The following ARHGAP24 variants were observed in gnomAD, a reference collection of about 807,000 sequenced individuals.
The protein encoded by ARHGAP24 is rho GTPase-activating protein 24.
ARHGAP24 carries 50 observed loss-of-function variants against 76.4 expected under a neutral mutation model. The ratio of observed to expected loss-of-function variants is 0.65; its 90% CI spans 0.52 to 0.83. ARHGAP24 has a LOEUF of 0.83. Among genes scored for constraint, ARHGAP24 ranks in the 40% least tolerant of loss-of-function variants. The pLI, the probability that ARHGAP24 is intolerant of heterozygous loss-of-function variation, is 0.00. For missense variants in ARHGAP24, 930 were observed against 914.2 expected (o/e 1.02, Z -0.22); for synonymous variants, 345 against 323.3 (o/e 1.07, Z -0.72).
At chr4:85,697,775 G>A (rs567592211) in intron 2 of ARHGAP24, among the ~76,000 whole-genome samples, 28 of 152,302 alleles carry the variant, frequency 1.8e-4, no homozygotes, top group Non-Finnish European at 3.5e-4. Context: ...AAAAACTCAG[G>A]AAGTGGAAAC....
intron 3 of ARHGAP24, among the ~76,000 whole-genome samples, chr4:85,901,392 A>C (rs6842979): frequency 0.68 from 102,917 of 151,648 alleles, 36,012 homozygotes; most frequent in East Asian, 0.99. Flanking sequence ...CAAACAACAA[A>C]AAAAAAAAAC....
chr4:85,931,076 A>C, intron 4 of ARHGAP24: 1 of 1,562,056 alleles, frequency 6.4e-7, no homozygotes, highest in Non-Finnish European at 8.7e-7. Flanking sequence ...CCTTTTTATA[A>C]ATATAAATAA....
chr4:85,898,331 T>C (rs2148788034), intron 3 of ARHGAP24, among the ~76,000 whole-genome samples: 1 of 152,174 alleles, frequency 6.6e-6, no homozygotes, highest in Non-Finnish European at 1.5e-5. Context: ...TGACTGTTAG[T>C]CAACAGTGGT....
chr4:85,847,781 T>C (rs1730968429), intron 3 of ARHGAP24, among the ~76,000 whole-genome samples: 1 of 152,090 alleles, frequency 6.6e-6, no homozygotes, highest in Non-Finnish European at 1.5e-5. Context: ...GCCCACAGCA[T>C]TAGAGATTAG....
chr4:85,556,203 T>G (rs1726357631), intron 1 of ARHGAP24, among the ~76,000 whole-genome samples: 1 of 152,104 alleles, frequency 6.6e-6, no homozygotes, highest in Admixed American at 6.5e-5. Flanking sequence ...AACTGTGGTG[T>G]GCTAGAAGTA....
intron 1 of ARHGAP24, among the ~76,000 whole-genome samples, chr4:85,547,681 C>T (rs950200980): frequency 6.6e-6 from 1 of 152,136 alleles, no homozygotes; most frequent in Non-Finnish European, 1.5e-5. Context: ...AGCAATCCGC[C>T]CACCTCAGCC....
rs562000880 is a variant in ARHGAP24, at chr4:85,943,659, T to A, written c.599+1386T>A. On this transcript the variant is annotated intron_variant, in intron 5 of 9. Coordinates refer to ENST00000395184, the MANE Select transcript of ARHGAP24 (RefSeq NM_001025616.3). ...GGTGTGTGATGTTCCCCTCCCTGTG[T>A]CCATGTATTCTCATTGTGCAACTCC... 3.9e-5 allele frequency among the ~76,000 whole-genome samples: 6 copies of A among 152,196 alleles called. No homozygotes were observed. In the South Asian group the frequency reaches 1.2e-3, roughly 32 times the overall value.
intron 2 of ARHGAP24, among the ~76,000 whole-genome samples, chr4:85,662,064 T>C (rs1295177035): frequency 6.6e-6 from 1 of 152,254 alleles, no homozygotes. Context: ...GTGGTATTTC[T>C]ACTTCTAGAT....
chr4:85,953,194 C>G (rs1737716694), intron 5 of ARHGAP24, among the ~76,000 whole-genome samples: 1 of 152,108 alleles, frequency 6.6e-6, no homozygotes, highest in Non-Finnish European at 1.5e-5. Context: ...ACATTCTGTC[C>G]AAGAATCCTG....
At position 85,530,073 on chromosome 4, in the gene ARHGAP24, A is replaced by G. The variant is rs1260332810; in HGVS notation, c.-20-40449A>G. Among the ~76,000 whole-genome samples, 8 of 152,082 alleles carry G rather than the reference A, an allele frequency of 5.3e-5. No homozygotes were observed. The East Asian group carries it at 1.4e-3, about 26-fold the overall frequency. On this transcript the variant is annotated intron_variant, in intron 1 of 9. Coordinates refer to ENST00000395184, the MANE Select transcript of ARHGAP24 (RefSeq NM_001025616.3). ...TACATATATCTATGGTGAAAGTATT[A>G]CTTTTCAGTTCTATTACAAAACAGA...
chr4:85,807,250 C>A (rs1227172726), intron 3 of ARHGAP24, among the ~76,000 whole-genome samples: 5 of 152,078 alleles, frequency 3.3e-5, no homozygotes, highest in Non-Finnish European at 4.4e-5. Flanking sequence ...CTAATGCCAT[C>A]CCTCCCCTAA....
chr4:85,801,285 C>A (rs1313534546), intron 3 of ARHGAP24, among the ~76,000 whole-genome samples: 1 of 152,032 alleles, frequency 6.6e-6, no homozygotes, highest in Non-Finnish European at 1.5e-5. Context: ...ACAAATAGTG[C>A]TTTATGTTGT....
chr4:85,791,132 A>G (rs959619491), intron 3 of ARHGAP24, among the ~76,000 whole-genome samples: 2 of 152,180 alleles, frequency 1.3e-5, no homozygotes, highest in African/African-American at 4.8e-5. Flanking sequence ...ATAAAGAATC[A>G]CAGAAAGGGA....
chr4:85,670,111 A>G (rs1259760311), intron 2 of ARHGAP24, among the ~76,000 whole-genome samples: 3 of 152,114 alleles, frequency 2.0e-5, no homozygotes, highest in Non-Finnish European at 4.4e-5. Context: ...AATAATATTT[A>G]ACTCAGCCAT....
intron 2 of ARHGAP24, among the ~76,000 whole-genome samples, chr4:85,647,804 A>G (rs901639157): frequency 6.6e-6 from 1 of 152,024 alleles, no homozygotes; most frequent in African/African-American, 2.4e-5. Flanking sequence ...AAAAATTGGA[A>G]CCGTCTCCCT....
intron 5 of ARHGAP24, 60 bp from the exon 6 acceptor site, chr4:85,971,976 A>G (rs1200433389): frequency 8.7e-6 from 14 of 1,612,978 alleles, no homozygotes; most frequent in Non-Finnish European, 1.2e-5. Context: ...CTTGAAAAAC[A>G]ATAAATAGAA....
Position 86,000,907 on chromosome 4 carries a change from A to G in ARHGAP24, c.*185A>G. 2 of 838,916 alleles carry G rather than the reference A, an allele frequency of 2.4e-6. No homozygotes were observed. The highest frequency in any genetic ancestry group is 3.5e-5 in the South Asian group (2 of 56,790). The allele number at this position is 838,916 out of a possible 1,614,324, so 52.0% of individuals were successfully genotyped here. On this transcript the variant is annotated 3_prime_UTR_variant, in exon 10 of 10. Coordinates refer to ENST00000395184, the MANE Select transcript of ARHGAP24 (RefSeq NM_001025616.3). Reference sequence around the variant, plus strand: ...TACCAAAGTTATATCATGCCCCATAATGCTACTGTCAAGTGTTACAACTGG... The same window carrying G: ...TACCAAAGTTATATCATGCCCCATAGTGCTACTGTCAAGTGTTACAACTGG...
chr4:85,475,426 C>A lies in ARHGAP24; in HGVS notation c.-154C>A, dbSNP rs1253878941. 2 of 152,730 alleles carry A rather than the reference C, an allele frequency of 1.3e-5. No individual in the cohort carries two copies. The highest frequency in any genetic ancestry group is 2.4e-5 in the African/African-American group (1 of 41,444). The allele number at this position is 152,730 out of a possible 1,614,324, so 9.5% of individuals were successfully genotyped here. A position where few individuals can be genotyped will look rare whatever the true frequency, so the allele number is the denominator to read the frequency against. On this transcript the variant is annotated 5_prime_UTR_variant, in exon 1 of 10. Coordinates refer to ENST00000395184, the MANE Select transcript of ARHGAP24 (RefSeq NM_001025616.3). ...GCAGCCCAGTGCATAGAGTTCAACA[C>A]TTCCCCTTGTTGTGGAAAGTAAAGG...
At chr4:85,953,122 C>T (rs925380471) in intron 5 of ARHGAP24, among the ~76,000 whole-genome samples, 2 of 152,106 alleles carry the variant, frequency 1.3e-5, no homozygotes, top group East Asian at 3.9e-4. Context: ...CAACAGAATA[C>T]GCTCTTAACA....
Sources: gnomAD v4.1 joint callset for allele counts (sites outside exome capture counted in the v4.1 genomes callset) on GRCh38, gnomAD v4.1.1 for gene constraint, MANE v1.5 for transcripts, NCBI Gene and HGNC (gene_info 2026-07-23, HGNC 2026-07-21) for gene names.